The following PPP1CB variants were observed in gnomAD, a reference collection of about 807,000 sequenced individuals.
PPP1CB encodes the protein serine/threonine-protein phosphatase PP1-beta catalytic subunit.
PPP1CB carries 2 observed loss-of-function variants against 43.7 expected under a neutral mutation model. That is an observed-to-expected ratio of 0.05 (90% confidence interval 0.02 to 0.14). The LOEUF (loss-of-function observed/expected upper bound fraction) is 0.14, where lower values mean the gene tolerates loss of function less well. Among genes scored for constraint, PPP1CB ranks in the 10% least tolerant of loss-of-function variants. The probability of loss-of-function intolerance (pLI) is 1.00; values close to 1 mark genes in which losing one functional copy is unlikely to be tolerated. For synonymous variants in PPP1CB, 136 were observed against 135.6 expected (o/e 1.00, Z -0.02); for missense variants, 84 against 398.0 (o/e 0.21, Z 6.71).
At chr2:28,755,115 G>A (rs1392133532) in intron 1 of PPP1CB, among the ~76,000 whole-genome samples, 1 of 152,002 alleles carries the variant, frequency 6.6e-6, no homozygotes, top group Non-Finnish European at 1.5e-5. Flanking sequence ...GTGGGGTGAT[G>A]TTGGCTCACT....
At chr2:28,777,976 C>G (rs927878713) in intron 2 of PPP1CB, among the ~76,000 whole-genome samples, 1 of 152,176 alleles carries the variant, frequency 6.6e-6, no homozygotes, top group Admixed American at 6.5e-5. Flanking sequence ...TTGAATGGAT[C>G]AGTTAACTTA....
In PPP1CB at chr2:28,790,164, C is replaced by T. The variant is rs568391082; in HGVS notation, c.744+1355C>T. The stretch of plus-strand genomic sequence containing the variant: ...ATGTGGTGGTGTGCACCTGTAGTCC[C>T]AGCTTGCTTGGGAGGCTGTGGCAGG... On this transcript the variant is annotated intron_variant, in intron 6 of 7. Coordinates refer to ENST00000395366, the MANE Select transcript of PPP1CB (RefSeq NM_002709.3). Among the ~76,000 whole-genome samples the T allele has an allele frequency of 8.5e-5, 13 of 152,138 alleles. No individual in the cohort carries two copies. In the South Asian group the frequency reaches 2.7e-3, roughly 32 times the overall value.
chr2:28,790,231 A>G (rs1046547966), intron 6 of PPP1CB, among the ~76,000 whole-genome samples: 10 of 152,208 alleles, frequency 6.6e-5, no homozygotes, highest in African/African-American at 2.4e-4. Context: ...CAGTGAGTGT[A>G]GATCGTACCA....
At chr2:28,797,429 C>T (rs1295655912) in intron 7 of PPP1CB, among the ~76,000 whole-genome samples, 1 of 151,850 alleles carries the variant, frequency 6.6e-6, no homozygotes, top group East Asian at 1.9e-4. Flanking sequence ...TTTTTTATTA[C>T]TGATTCAGTT....
intron 4 of PPP1CB, 93 bp from the exon 5 acceptor site, chr2:28,783,813 TG>T: frequency 2.4e-6 from 2 of 829,340 alleles, no homozygotes; most frequent in South Asian, 1.6e-5. Flanking sequence ...TTTCACATAG[TG>T]AATCTATTTT....
chr2:28,785,353 C>T (rs1202675526), intron 5 of PPP1CB, among the ~76,000 whole-genome samples: 1 of 151,790 alleles, frequency 6.6e-6, no homozygotes, highest in Non-Finnish European at 1.5e-5. Flanking sequence ...GGATTACAGG[C>T]GTGAGCCACC....
At chr2:28,771,640 G>A (rs1666916002) in intron 1 of PPP1CB, among the ~76,000 whole-genome samples, 1 of 152,148 alleles carries the variant, frequency 6.6e-6, no homozygotes, top group East Asian at 1.9e-4. Flanking sequence ...GGAAAAGGAT[G>A]ATCTTTATGA....
At chr2:28,772,275 T>C (rs957767296) in intron 1 of PPP1CB, among the ~76,000 whole-genome samples, 2 of 152,096 alleles carry the variant, frequency 1.3e-5, no homozygotes, top group African/African-American at 4.8e-5. Flanking sequence ...CACTCCAGCC[T>C]GGGTGACGGA....
intron 5 of PPP1CB, among the ~76,000 whole-genome samples, chr2:28,785,933 C>G (rs1667257775): frequency 6.6e-6 from 1 of 151,960 alleles, no homozygotes; most frequent in Non-Finnish European, 1.5e-5. Context: ...TGCTAGGCTT[C>G]TGTTTTTAGC....
rs1667636877 is a variant in PPP1CB at position 28,802,312 on chromosome 2, A to T, written c.*3009A>T. ...AACCATAACTTTTGAACCAAAAAAA[A>T]TTGTTTTTACATCTTTATGCTGAAA... On this transcript the variant is annotated 3_prime_UTR_variant, in exon 8 of 8. Coordinates refer to ENST00000395366, the MANE Select transcript of PPP1CB (RefSeq NM_002709.3). 1 of 152,196 alleles carries T rather than the reference A, an allele frequency of 6.6e-6. No homozygotes were observed. Among genetic ancestry groups the T allele is most frequent in the Admixed American group, 6.5e-5 (1 of 15,278 alleles). The allele number at this position is 152,196 out of a possible 1,614,324, so 9.4% of individuals were successfully genotyped here.
chr2:28,775,924 C>G (rs778382352), intron 1 of PPP1CB, among the ~76,000 whole-genome samples: 25 of 151,994 alleles, frequency 1.6e-4, no homozygotes, highest in Admixed American at 3.9e-4. Context: ...TCTAAATAGC[C>G]TTTAGAGGTT....
chr2:28,787,351 C>G lies in PPP1CB; in HGVS notation c.593-1307C>G, dbSNP rs113479789. On this transcript the variant is annotated intron_variant, in intron 5 of 7. Transcript: ENST00000395366. The stretch of plus-strand genomic sequence containing the variant: ...GCGGGCACCTGTAGTCCCAGCTACT[C>G]GGGAGGCTGAGGCAGGAGAATGGCG... 5.0e-3 allele frequency among the ~76,000 whole-genome samples: 761 copies of G among 152,088 alleles called. 9 individuals are homozygous for G. Among genetic ancestry groups the G allele is most frequent in the African/African-American group, 0.017 (725 of 41,470 alleles).
At chr2:28,774,510 C>G (rs571257061) in intron 1 of PPP1CB, among the ~76,000 whole-genome samples, 22 of 152,246 alleles carry the variant, frequency 1.4e-4, no homozygotes, top group Non-Finnish European at 2.9e-4. Context: ...ACTGCAACCT[C>G]CACCTCCTGG....
chr2:28,774,591 A>G (rs888206451), intron 1 of PPP1CB, among the ~76,000 whole-genome samples: 1 of 151,992 alleles, frequency 6.6e-6, no homozygotes. Flanking sequence ...ACTCCCGGCT[A>G]ATTCTTGTAT....
intron 6 of PPP1CB, 37 bp downstream of exon 6, chr2:28,788,846 CTT>C: frequency 6.5e-7 from 1 of 1,547,740 alleles, no homozygotes; most frequent in Non-Finnish European, 8.7e-7. Flanking sequence ...TTTCTTTTTT[CTT>C]TCTTTTTTTT....
chr2:28,779,042 A>G lies in PPP1CB; in HGVS notation c.415+3A>G. 1 of 1,543,120 alleles carries G rather than the reference A, an allele frequency of 6.5e-7. No individual in the cohort carries two copies. Among genetic ancestry groups the G allele is most frequent in the Non-Finnish European group, 8.9e-7 (1 of 1,123,534 alleles). ...CATTTATGGATTCTATGATGAATGT[A>G]AGTGAAAATAAAGACTTAGAAAAGT... is the stretch of plus-strand genomic sequence containing the variant. On this transcript the variant is annotated splice_donor_region_variant and intron_variant, in intron 3 of 7. Transcript: ENST00000395366.
At chr2:28,775,113 A>G (rs1667006976) in intron 1 of PPP1CB, among the ~76,000 whole-genome samples, 1 of 151,206 alleles carries the variant, frequency 6.6e-6, no homozygotes, top group African/African-American at 2.4e-5. Context: ...GTGGAATTTT[A>G]TTTTACTTTG....
At chr2:28,784,927 A>AG (rs1171109818) in intron 5 of PPP1CB, among the ~76,000 whole-genome samples, 16 of 119,836 alleles carry the variant, frequency 1.3e-4, no homozygotes, top group African/African-American at 3.8e-4. Context: ...CAAAAAAAAA[A>AG]AAAAAAAGAA....
At chr2:28,782,300 A>C (rs903958317) in intron 4 of PPP1CB, among the ~76,000 whole-genome samples, 1 of 152,118 alleles carries the variant, frequency 6.6e-6, no homozygotes, top group Non-Finnish European at 1.5e-5. Context: ...TTGGTAGGTT[A>C]CTCTGTATGG....
Sources: gnomAD v4.1 joint callset for allele counts (sites outside exome capture counted in the v4.1 genomes callset) on GRCh38, gnomAD v4.1.1 for gene constraint, MANE v1.5 for transcripts, NCBI Gene and HGNC (gene_info 2026-07-23, HGNC 2026-07-21) for gene names.